CTNNA2: variants seen among roughly 807,000 people sequenced by gnomAD.
The protein encoded by CTNNA2 is catenin alpha 2.
A neutral mutation model predicts 101.0 loss-of-function variants in CTNNA2; 42 were observed. The observed-to-expected ratio is 0.42, with a 90% CI of 0.32 to 0.54. The LOEUF (loss-of-function observed/expected upper bound fraction) is 0.54, where lower values mean the gene tolerates loss of function less well. Among genes scored for constraint, CTNNA2 ranks in the 20% least tolerant of loss-of-function variants. The pLI is 0.14. For synonymous variants in CTNNA2, 450 were observed against 456.4 expected (o/e 0.99, Z 0.18); for missense variants, 871 against 1,223.1 (o/e 0.71, Z 4.29).
chr2:80,595,832 G>A (rs533921402), intron 15 of CTNNA2, among the ~76,000 whole-genome samples: 262 of 152,214 alleles, frequency 1.7e-3, no homozygotes, highest in African/African-American at 5.8e-3. Flanking sequence ...GCTTAGGATC[G>A]TCTTGGCTAT....
At chr2:79,240,118 G>A (rs1674607775) in intron 2 of CTNNA2, among the ~76,000 whole-genome samples, 1 of 151,850 alleles carries the variant, frequency 6.6e-6, no homozygotes, top group Admixed American at 6.6e-5. Flanking sequence ...ATGTTGGTCA[G>A]ACAGGTCTCG....
chr2:80,151,439 A>G (rs569450442), intron 7 of CTNNA2, among the ~76,000 whole-genome samples: 14 of 152,256 alleles, frequency 9.2e-5, no homozygotes, highest in African/African-American at 3.4e-4. Flanking sequence ...TGATTTCCAT[A>G]GCTGTACAAT....
chr2:80,466,278 A>G (rs1218890787), intron 9 of CTNNA2, among the ~76,000 whole-genome samples: 2 of 152,076 alleles, frequency 1.3e-5, no homozygotes, highest in African/African-American at 4.8e-5. Flanking sequence ...ATGCTCAGAG[A>G]AAAAAGGAGA....
intron 3 of CTNNA2, among the ~76,000 whole-genome samples, chr2:79,316,304 T>TCCCAGTTC (rs1676496294): frequency 6.6e-6 from 1 of 151,810 alleles, no homozygotes; most frequent in African/African-American, 2.4e-5. Flanking sequence ...TCAATGATCT[T>TCCCAGTTC]TGTGTCTCTT....
chr2:80,292,399 T>G lies in CTNNA2; in HGVS notation c.1057-100812T>G, dbSNP rs550700850. Among the ~76,000 whole-genome samples, 4 of 152,154 alleles carry G rather than the reference T, an allele frequency of 2.6e-5. No homozygotes were observed. In the South Asian group the frequency reaches 8.3e-4, roughly 32 times the overall value. ...CCTTGACACATCCTACCATGGTAAG[T>G]GACCTTGGGCAAGTTGTTGACCCAC... On this transcript the variant is annotated intron_variant, in intron 7 of 18. Coordinates refer to ENST00000402739, the MANE Select transcript of CTNNA2 (RefSeq NM_001282597.3).
At chr2:79,588,940 A>T (rs1573416774) in intron 1 of CTNNA2, among the ~76,000 whole-genome samples, 1 of 152,188 alleles carries the variant, frequency 6.6e-6, no homozygotes, top group African/African-American at 2.4e-5. Flanking sequence ...ATAAATTGAG[A>T]CTATTAACAG....
intron 2 of CTNNA2, among the ~76,000 whole-genome samples, chr2:79,691,950 G>C (rs1684332238): frequency 6.6e-6 from 1 of 152,098 alleles, no homozygotes; most frequent in Non-Finnish European, 1.5e-5. Context: ...TACCATTTAG[G>C]ACATAGGCAT....
At chr2:80,320,943 CT>C (rs1456433302) in intron 7 of CTNNA2, among the ~76,000 whole-genome samples, 1 of 152,060 alleles carries the variant, frequency 6.6e-6, no homozygotes, top group Non-Finnish European at 1.5e-5. Context: ...GTGGTGATGT[CT>C]TTAAGTGGGG....
intron 2 of CTNNA2, among the ~76,000 whole-genome samples, chr2:79,263,491 C>T (rs1674949593): frequency 6.6e-6 from 1 of 152,172 alleles, no homozygotes; most frequent in East Asian, 1.9e-4. Context: ...CACCACACTT[C>T]CTGTACAGCC....
At chr2:79,422,121 C>G (rs1035413543) in intron 4 of CTNNA2, among the ~76,000 whole-genome samples, 11 of 152,128 alleles carry the variant, frequency 7.2e-5, no homozygotes, top group African/African-American at 2.7e-4. Context: ...CCATTGCCCT[C>G]CAGCCTGGGC....
At chr2:79,661,803 A>G (rs1252080590) in intron 2 of CTNNA2, among the ~76,000 whole-genome samples, 2 of 152,084 alleles carry the variant, frequency 1.3e-5, no homozygotes, top group East Asian at 3.9e-4. Flanking sequence ...AGGCATTTCC[A>G]TTACTTCTTG....
chr2:80,423,086 C>CT (rs59675400), intron 9 of CTNNA2, among the ~76,000 whole-genome samples: 5,228 of 152,088 alleles, frequency 0.034, 298 homozygotes, highest in African/African-American at 0.12. Flanking sequence ...AGTATGCTCT[C>CT]TTTTTTCCTT....
intron 7 of CTNNA2, among the ~76,000 whole-genome samples, chr2:80,286,709 C>T (rs1446817725): frequency 6.6e-6 from 1 of 152,160 alleles, no homozygotes; most frequent in Non-Finnish European, 1.5e-5. Context: ...TCATCAAGCC[C>T]TACGAAACTT....
chr2:80,297,567 C>A (rs1675857175), intron 7 of CTNNA2, among the ~76,000 whole-genome samples: 1 of 152,122 alleles, frequency 6.6e-6, no homozygotes, highest in Admixed American at 6.5e-5. Context: ...GAAATTGTGT[C>A]CAGTTGAGCA....
chr2:79,887,575 TAAAC>T (rs1683975081), intron 6 of CTNNA2, among the ~76,000 whole-genome samples: 1 of 152,214 alleles, frequency 6.6e-6, no homozygotes, highest in South Asian at 2.1e-4. Context: ...TGAATATTCT[TAAAC>T]AAAATTCTAC....
intron 15 of CTNNA2, among the ~76,000 whole-genome samples, chr2:80,591,263 G>A (rs1490681377): frequency 1.3e-5 from 2 of 152,000 alleles, no homozygotes; most frequent in Non-Finnish European, 2.9e-5. Flanking sequence ...TCATTATGCT[G>A]ATTTAAATAA....
intron 13 of CTNNA2, among the ~76,000 whole-genome samples, chr2:80,576,077 T>C (rs1695013477): frequency 6.6e-6 from 1 of 152,146 alleles, no homozygotes; most frequent in Non-Finnish European, 1.5e-5. Flanking sequence ...ATAAGACAAG[T>C]AGAATTGTTT....
At chr2:79,350,460 T>C (rs539522172) in intron 3 of CTNNA2, among the ~76,000 whole-genome samples, 2 of 152,272 alleles carry the variant, frequency 1.3e-5, no homozygotes, top group East Asian at 3.9e-4. Flanking sequence ...GCAAAAGTCA[T>C]GATTTTATTC....
intron 7 of CTNNA2, among the ~76,000 whole-genome samples, chr2:80,249,180 G>T (rs1270296125): frequency 6.6e-6 from 1 of 152,094 alleles, no homozygotes; most frequent in African/African-American, 2.4e-5. Flanking sequence ...CAAAGAAAGG[G>T]CCAGAGTCCA....
Sources: gnomAD v4.1 joint callset for allele counts (sites outside exome capture counted in the v4.1 genomes callset) on GRCh38, gnomAD v4.1.1 for gene constraint, MANE v1.5 for transcripts, NCBI Gene and HGNC (gene_info 2026-07-23, HGNC 2026-07-21) for gene names.